AGBL4: variants seen among roughly 807,000 people sequenced by gnomAD.
AGBL4 encodes the protein cytosolic carboxypeptidase 6.
A neutral mutation model predicts 66.4 loss-of-function variants in AGBL4; 58 were observed. That is an observed-to-expected ratio of 0.87 (90% CI 0.71 to 1.09). The LOEUF (loss-of-function observed/expected upper bound fraction) is 1.09, where lower values mean the gene tolerates loss of function less well. Among genes scored for constraint, AGBL4 ranks in the 50% least tolerant of loss-of-function variants. The pLI, the probability that AGBL4 is intolerant of heterozygous loss-of-function variation, is 0.00. For synonymous variants in AGBL4, 234 were observed against 222.9 expected (o/e 1.05, Z -0.44); for missense variants, 579 against 631.0 (o/e 0.92, Z 0.88).
chr1:48,669,264 A>G (rs965036240), intron 6 of AGBL4, among the ~76,000 whole-genome samples: 2 of 152,356 alleles, frequency 1.3e-5, no homozygotes, highest in South Asian at 2.1e-4. Context: ...GAGACTTTAT[A>G]TCCCTGCCAC....
chr1:48,734,472 C>T (rs990825769), intron 6 of AGBL4, among the ~76,000 whole-genome samples: 5 of 152,194 alleles, frequency 3.3e-5, no homozygotes, highest in African/African-American at 1.2e-4. Flanking sequence ...CACTCCATGA[C>T]TGGAAGACCT....
chr1:49,381,463 AAATACCATTTGACCCAGCCATCCCATT>A (rs1297759042), intron 3 of AGBL4, among the ~76,000 whole-genome samples: 1 of 152,208 alleles, frequency 6.6e-6, no homozygotes, highest in Non-Finnish European at 1.5e-5. Flanking sequence ...CTAGAACTAG[AAATACCATTTGACCCAGCCATCCCATT>A]ACTGGGTATA....
intron 6 of AGBL4, among the ~76,000 whole-genome samples, chr1:48,710,310 G>A (rs1646945833): frequency 6.6e-6 from 1 of 152,178 alleles, no homozygotes; most frequent in Admixed American, 6.5e-5. Context: ...GCTTCTTACT[G>A]TACTTACAGT....
chr1:48,662,652 C>T (rs2148455778), intron 7 of AGBL4, among the ~76,000 whole-genome samples: 1 of 152,206 alleles, frequency 6.6e-6, no homozygotes, highest in East Asian at 1.9e-4. Flanking sequence ...ACTTATTTGC[C>T]TCTGGTTGTC....
intron 3 of AGBL4, among the ~76,000 whole-genome samples, chr1:49,540,574 A>C (rs1025535781): frequency 4.6e-5 from 7 of 152,228 alleles, no homozygotes; most frequent in Non-Finnish European, 1.0e-4. Flanking sequence ...AATGTTTGTT[A>C]AAAGCATAAC....
intron 4 of AGBL4, among the ~76,000 whole-genome samples, chr1:49,211,509 T>TATA (rs1648666974): frequency 2.6e-5 from 4 of 152,130 alleles, no homozygotes; most frequent in Admixed American, 2.0e-4. Flanking sequence ...TATGTGAAAA[T>TATA]GCAGGCACAG....
At chr1:49,114,350 C>T (rs922201183) in intron 4 of AGBL4, among the ~76,000 whole-genome samples, 1 of 152,144 alleles carries the variant, frequency 6.6e-6, no homozygotes, top group African/African-American at 2.4e-5. Context: ...TCCTTCTCAG[C>T]CTTCAAATAA....
chr1:48,623,660 A>G (rs1039582966), intron 9 of AGBL4, among the ~76,000 whole-genome samples: 26 of 152,264 alleles, frequency 1.7e-4, no homozygotes, highest in African/African-American at 6.3e-4. Context: ...ACAAGCAAAA[A>G]TAACTCTTGG....
intron 1 of AGBL4, among the ~76,000 whole-genome samples, chr1:49,914,360 C>T (rs1476204954): frequency 6.6e-6 from 1 of 152,186 alleles, no homozygotes; most frequent in Non-Finnish European, 1.5e-5. Context: ...TGAAACAATT[C>T]AACCAAAGTC....
At chr1:48,661,460 C>T (rs1468466640) in intron 7 of AGBL4, among the ~76,000 whole-genome samples, 1 of 152,216 alleles carries the variant, frequency 6.6e-6, no homozygotes, top group Non-Finnish European at 1.5e-5. Context: ...AGCCAGATGA[C>T]AGAGGGCTGG....
chr1:48,933,770 C>G (rs1655227467), intron 5 of AGBL4, among the ~76,000 whole-genome samples: 1 of 152,182 alleles, frequency 6.6e-6, no homozygotes, highest in African/African-American at 2.4e-5. Flanking sequence ...ACATACCACA[C>G]ACATTAACTA....
intron 3 of AGBL4, among the ~76,000 whole-genome samples, chr1:49,607,704 T>G (rs1392473519): frequency 6.6e-6 from 1 of 152,154 alleles, no homozygotes; most frequent in Non-Finnish European, 1.5e-5. Context: ...AAAGTCAAGA[T>G]CAGCTGGGTC....
At chr1:49,409,578 A>C (rs1457662874) in intron 3 of AGBL4, among the ~76,000 whole-genome samples, 1 of 152,206 alleles carries the variant, frequency 6.6e-6, no homozygotes, top group Non-Finnish European at 1.5e-5. Context: ...TAGAGATTTC[A>C]TGGTAAAGCA....
At chr1:49,971,439 A>G (rs1658074596) in intron 1 of AGBL4, among the ~76,000 whole-genome samples, 1 of 152,206 alleles carries the variant, frequency 6.6e-6, no homozygotes, top group African/African-American at 2.4e-5. Flanking sequence ...CTGGTAATTC[A>G]GATAAAAAGA....
At chr1:49,252,816 T>G (rs1279957481) in intron 3 of AGBL4, among the ~76,000 whole-genome samples, 1 of 152,098 alleles carries the variant, frequency 6.6e-6, no homozygotes, top group Non-Finnish European at 1.5e-5. Context: ...AGTAAGCTTA[T>G]AAGTGAAAAA....
chr1:48,584,035 TC>T (rs1644780063), intron 11 of AGBL4: 1 of 152,036 alleles, frequency 6.6e-6, no homozygotes, highest in Admixed American at 6.6e-5. Context: ...GCCTCTCTAC[TC>T]ACCTTAACCC....
chr1:49,759,805 C>A (rs1652166810), intron 2 of AGBL4, among the ~76,000 whole-genome samples: 1 of 152,162 alleles, frequency 6.6e-6, no homozygotes, highest in Non-Finnish European at 1.5e-5. Flanking sequence ...CTGATACATG[C>A]TACAACATAA....
intron 1 of AGBL4, among the ~76,000 whole-genome samples, chr1:50,002,527 G>A (rs1354964888): frequency 4.0e-5 from 6 of 151,042 alleles, no homozygotes; most frequent in Admixed American, 6.6e-5. Flanking sequence ...CCGCCACCAC[G>A]CCCGGCTAAT....
intron 6 of AGBL4, among the ~76,000 whole-genome samples, chr1:48,744,065 C>T (rs1349756499): frequency 6.6e-6 from 1 of 152,176 alleles, no homozygotes; most frequent in African/African-American, 2.4e-5. Flanking sequence ...TTCCTGGCTA[C>T]ACTATATTTT....
Sources: gnomAD v4.1 joint callset for allele counts (sites outside exome capture counted in the v4.1 genomes callset) on GRCh38, gnomAD v4.1.1 for gene constraint, MANE v1.5 for transcripts, NCBI Gene and HGNC (gene_info 2026-07-23, HGNC 2026-07-21) for gene names.